The following SLC28A2 variants were observed in gnomAD, a reference collection of about 807,000 sequenced individuals.
The protein encoded by SLC28A2 is solute carrier family 28 member 2, also known as sodium/nucleoside cotransporter 2.
SLC28A2 carries 69 observed loss-of-function variants against 72.9 expected under a neutral mutation model. That is an observed-to-expected ratio of 0.95 (90% confidence interval 0.78 to 1.16). The LOEUF is 1.16. Ranked by LOEUF, SLC28A2 falls within the 50% of genes most tolerant of loss-of-function variation. The pLI is 0.00. For synonymous variants in SLC28A2, 296 were observed against 294.1 expected (o/e 1.01, Z -0.07); for missense variants, 745 against 791.1 (o/e 0.94, Z 0.70).
At position 45,263,166 on chromosome 15, in the gene SLC28A2, T is replaced by C; in HGVS notation, c.368T>C (p.Leu123Ser). ...ATCTTTGTCCTGGTTCACTCGTTTT[T>C]GAAAAAGCTCCTGGGCAAAAAATTA... ...LVIFVLVHSFLKKLLGKKLTR... is the reference protein window; with the variant it reads ...LVIFVLVHSFSKKLLGKKLTR... Residue 123 changes from leucine (L) to serine (S), a missense_variant, in exon 5 of 18, where the codon TTG becomes TCG. Transcript: ENST00000347644. The C allele has an allele frequency of 6.2e-7, 1 of 1,614,102 alleles. No homozygotes were observed. The highest frequency in any genetic ancestry group is 8.5e-7 in the Non-Finnish European group (1 of 1,179,976).
rs1900510586 is a variant in SLC28A2, at chr15:45,270,383, A to T, written c.1648+107A>T. The T allele has an allele frequency of 1.5e-5, 12 of 800,504 alleles. No homozygotes were observed. The South Asian group carries it at 1.8e-4, about 12-fold the overall frequency. The allele number at this position is 800,504 out of a possible 1,614,324, so 49.6% of individuals were successfully genotyped here. A position where few individuals can be genotyped will look rare whatever the true frequency, so the allele number is the denominator to read the frequency against. On this transcript the variant is annotated intron_variant, in intron 15 of 17. Coordinates refer to ENST00000347644, the MANE Select transcript of SLC28A2 (RefSeq NM_004212.4). ...CAAGCTGGGATCAGATAGAGAAGCC[A>T]TTGTGAAATGGGCCCATTTCTTAGG...
chr15:45,261,339 TTTA>T (rs1358979622), intron 3 of SLC28A2, among the ~76,000 whole-genome samples: 11 of 69,748 alleles, frequency 1.6e-4, no homozygotes, highest in African/African-American at 6.6e-4. Flanking sequence ...GGGAAAGTTA[TTTA>T]ACTTCTGTTT....
At chr15:45,261,798 G>T (rs1286493979) in intron 3 of SLC28A2, among the ~76,000 whole-genome samples, 2 of 152,172 alleles carry the variant, frequency 1.3e-5, no homozygotes, top group African/African-American at 2.4e-5. Context: ...TGCTAGTTCG[G>T]GCTGAGTAGG....
At chr15:45,265,235 G>C in intron 8 of SLC28A2, 69 bp downstream of exon 8, 1 of 1,107,084 alleles carries the variant, frequency 9.0e-7, no homozygotes, top group Non-Finnish European at 1.4e-6. Flanking sequence ...GAGGATGAAA[G>C]TGTGTGTCCA....
chr15:45,272,874 C>G (rs1396359347), intron 17 of SLC28A2, 90 bp downstream of exon 17: 1 of 710,084 alleles, frequency 1.4e-6, no homozygotes, highest in African/African-American at 1.8e-5. Flanking sequence ...TGTATAAGGG[C>G]TGTGAGTATT....
At chr15:45,256,824 C>A (rs1461397623) in intron 3 of SLC28A2, among the ~76,000 whole-genome samples, 1 of 152,168 alleles carries the variant, frequency 6.6e-6, no homozygotes, top group East Asian at 1.9e-4. Flanking sequence ...CCACCTCCTG[C>A]CAATCTATCC....
rs536867076 is a variant in SLC28A2, at chr15:45,260,195, T to A, written c.171-1820T>A. 5.3e-5 allele frequency among the ~76,000 whole-genome samples: 8 copies of A among 151,976 alleles called. No individual in the cohort carries two copies. In the East Asian group the frequency reaches 1.5e-3, roughly 29 times the overall value. The stretch of plus-strand genomic sequence containing the variant: ...GATGTAAGAGCACCTGGCAGGAGAG[T>A]CAGATAAAAAGACCTCCTCAACACA... On this transcript the variant is annotated intron_variant, in intron 3 of 17. Coordinates refer to ENST00000347644, the MANE Select transcript of SLC28A2 (RefSeq NM_004212.4).
chr15:45,267,304 C>T (rs1278318260), intron 10 of SLC28A2, 151 bp from the exon 11 acceptor site: 38 of 817,970 alleles, frequency 4.6e-5, no homozygotes, highest in Non-Finnish European at 5.8e-5. Context: ...AGCCGGGCTC[C>T]GTGCTCACTA....
rs1288596884 is a variant in SLC28A2 at position 45,270,191 on chromosome 15, C to T, written c.1567-4C>T. ...ATTTGCTTATTTATTTTTGTTTTCC[C>T]TAGGTGAGAGCTGAAATCATTACAA... On this transcript the variant is annotated splice_region_variant and splice_polypyrimidine_tract_variant and intron_variant, in intron 14 of 17. Coordinates refer to ENST00000347644, the MANE Select transcript of SLC28A2 (RefSeq NM_004212.4). The T allele has an allele frequency of 3.1e-6, 5 of 1,608,280 alleles. No individual in the cohort carries two copies. The Admixed American group carries it at 6.7e-5, about 21-fold the overall frequency.
intron 10 of SLC28A2, 117 bp downstream of exon 10, chr15:45,266,278 A>C: frequency 1.3e-6 from 1 of 743,368 alleles, no homozygotes; most frequent in Non-Finnish European, 2.4e-6. Context: ...GGGGCAGCCA[A>C]TCTTGGATGA....
At chr15:45,272,247 T>C in intron 15 of SLC28A2, 48 bp from the exon 16 acceptor site, 1 of 1,511,940 alleles carries the variant, frequency 6.6e-7, no homozygotes, top group Non-Finnish European at 9.1e-7. Flanking sequence ...ATATACCTGA[T>C]TGCCTTGGTG....
chr15:45,263,785 C>T, intron 5 of SLC28A2, 96 bp from the exon 6 acceptor site: 1 of 1,255,022 alleles, frequency 8.0e-7, no homozygotes. Context: ...CCTTTGATCA[C>T]AGGCCAGGAG....
At position 45,272,325 on chromosome 15, in the gene SLC28A2, T is replaced by A. The variant is rs770043472; in HGVS notation, c.1679T>A (p.Leu560Ter). The A allele has an allele frequency of 1.7e-5, 27 of 1,613,894 alleles. No homozygotes were observed. Among genetic ancestry groups the A allele is most frequent in the Non-Finnish European group, 2.1e-5 (25 of 1,180,032 alleles). ...ATAGTACCTCACCGGAAGAGTGACTTGTCCAAGGTTGTGGTCAGGGCCCTC... is the reference window on the plus strand; with the variant it reads ...ATAGTACCTCACCGGAAGAGTGACTAGTCCAAGGTTGTGGTCAGGGCCCTC... ...TSIVPHRKSD[L>*]SKVVVRALFT... The change falls in exon 16 of 18, where the codon TTG (leucine) becomes TAG (stop). Residue 560 changes from leucine (L) to a stop codon, truncating the protein, a stop_gained. Transcript: ENST00000347644. LOFTEE classifies it high-confidence loss of function.
chr15:45,267,385 G>T, intron 10 of SLC28A2, 70 bp from the exon 11 acceptor site: 1 of 1,576,574 alleles, frequency 6.3e-7, no homozygotes, highest in Non-Finnish European at 8.7e-7. Context: ...AGCCCCTGGG[G>T]CTGGGGTGGG....
At chr15:45,267,418 C>G (rs368308265) in intron 10 of SLC28A2, 37 bp from the exon 11 acceptor site, 1 of 1,612,894 alleles carries the variant, frequency 6.2e-7, no homozygotes, top group African/African-American at 1.3e-5. Context: ...GGGAGTTACA[C>G]CTTCTTGGAA....
intron 7 of SLC28A2, 132 bp downstream of exon 7, chr15:45,264,900 T>C (rs1187185218): frequency 4.1e-6 from 3 of 729,178 alleles, no homozygotes; most frequent in Non-Finnish European, 7.2e-6. Flanking sequence ...AAGGAGAGAG[T>C]GTACTAGGAT....
intron 17 of SLC28A2, among the ~76,000 whole-genome samples, chr15:45,274,913 G>C (rs749518267): frequency 6.6e-5 from 10 of 152,074 alleles, no homozygotes; most frequent in Non-Finnish European, 1.5e-5. Context: ...ACTTTTTGTA[G>C]ACATGGGCGT....
chr15:45,259,826 GGTAA>G (rs1900095913), intron 3 of SLC28A2, among the ~76,000 whole-genome samples: 1 of 152,130 alleles, frequency 6.6e-6, no homozygotes, highest in Admixed American at 6.6e-5. Context: ...AGTGCTATAT[GGTAA>G]GTGAGTTGTG....
chr15:45,264,265 G>A (rs780146927), intron 6 of SLC28A2, among the ~76,000 whole-genome samples: 1 of 151,946 alleles, frequency 6.6e-6, no homozygotes. Context: ...CCAATTTTGC[G>A]AATCTAGGCC....
Sources: gnomAD v4.1 joint callset for allele counts (sites outside exome capture counted in the v4.1 genomes callset) on GRCh38, gnomAD v4.1.1 for gene constraint, MANE v1.5 for transcripts, NCBI Gene and HGNC (gene_info 2026-07-23, HGNC 2026-07-21) for gene names.